The following SSH2 variants were observed in gnomAD, a reference collection of about 807,000 sequenced individuals.
SSH2 encodes the protein protein phosphatase Slingshot homolog 2.
SSH2 carries 37 observed loss-of-function variants against 135.2 expected under a neutral mutation model. The observed-to-expected ratio is 0.27, with a 90% CI of 0.21 to 0.36. SSH2 has a LOEUF of 0.36. SSH2 is among the 10% of genes least tolerant of loss of function. SSH2 has a pLI of 1.00. For missense variants in SSH2, 1,408 were observed against 1,765.3 expected (o/e 0.80, Z 3.63); for synonymous variants, 628 against 646.2 (o/e 0.97, Z 0.43).
chr17:29,851,731 G>T (rs2065564518), intron 1 of SSH2, among the ~76,000 whole-genome samples: 1 of 152,074 alleles, frequency 6.6e-6, no homozygotes, highest in Non-Finnish European at 1.5e-5. Flanking sequence ...GCCAAGTATG[G>T]TGGCACACCT....
At position 29,848,852 on chromosome 17, in the gene SSH2, G is replaced by T; in HGVS notation, c.141C>A (p.Ser47=). The T allele has an allele frequency of 6.6e-7, 1 of 1,522,956 alleles. No individual in the cohort carries two copies. Among genetic ancestry groups the T allele is most frequent in the Non-Finnish European group, 8.8e-7 (1 of 1,135,644 alleles). The allele number at this position is 1,522,956 out of a possible 1,614,324, so 94.3% of individuals were successfully genotyped here. ...ECEESEIFTD[S]NEADSGEEEC... is the part of the protein sequence containing the mutation. ...ATAAAAACATATACCTACGTACATT[G>T]GAATCAGTAAAGATTTCTGATTCTT... The change falls in exon 2 of 16, where the codon TCC becomes TCA. Residue 47 remains serine, a synonymous_variant. Transcript: ENST00000540801.
chr17:29,635,027 T>C (rs991092308), intron 15 of SSH2, among the ~76,000 whole-genome samples: 36 of 151,490 alleles, frequency 2.4e-4, no homozygotes, highest in African/African-American at 8.7e-4. Flanking sequence ...CTCAGCCTCC[T>C]GAGTAGCTGG....
At chr17:29,707,607 C>A (rs1402891720) in intron 3 of SSH2, among the ~76,000 whole-genome samples, 1 of 151,476 alleles carries the variant, frequency 6.6e-6, no homozygotes, top group Admixed American at 6.6e-5. Flanking sequence ...CTCACTGCAA[C>A]CTCTGCCTCC....
At chr17:29,809,020 G>A (rs866994798) in intron 2 of SSH2, among the ~76,000 whole-genome samples, 3 of 152,334 alleles carry the variant, frequency 2.0e-5, no homozygotes, top group Middle Eastern at 6.8e-3. Context: ...TTGGGAGGCT[G>A]AGGCGGGCAG....
chr17:29,784,212 C>T (rs1385383807), intron 3 of SSH2, among the ~76,000 whole-genome samples: 2 of 151,002 alleles, frequency 1.3e-5, no homozygotes, highest in African/African-American at 2.4e-5. Context: ...CATGGTTAAA[C>T]CCCATCTCTA....
intron 3 of SSH2, among the ~76,000 whole-genome samples, chr17:29,768,913 G>A (rs1567962431): frequency 6.6e-6 from 1 of 152,068 alleles, no homozygotes; most frequent in Non-Finnish European, 1.5e-5. Flanking sequence ...TGTGTCAGGT[G>A]CTCTATTAAG....
intron 3 of SSH2, 169 bp downstream of exon 3, chr17:29,793,725 A>C: frequency 1.8e-6 from 1 of 549,006 alleles, no homozygotes; most frequent in Admixed American, 3.5e-5. Flanking sequence ...TTACAGGCAC[A>C]AAATACCATG....
chr17:29,929,807 T>A, intron 1 of SSH2, 131 bp downstream of exon 1: 1 of 798,414 alleles, frequency 1.3e-6, no homozygotes, highest in Non-Finnish European at 2.0e-6. Context: ...TGTGGGGGGG[T>A]TCGCGGCAGC....
Position 29,637,241 on chromosome 17 carries a change from G to A in SSH2, c.1428-439C>T, listed in dbSNP as rs145997032. Among the ~76,000 whole-genome samples, 81 of 152,304 alleles carry A rather than the reference G, an allele frequency of 5.3e-4. No homozygotes were observed. The East Asian group carries it at 0.015, about 28-fold the overall frequency. On this transcript the variant is annotated intron_variant, in intron 14 of 15. Coordinates refer to ENST00000540801, the MANE Select transcript of SSH2 (RefSeq NM_001282129.2). Reference sequence around the variant, plus strand: ...AGCCTCCCGAGTAGCTGGGATTACAGGAACATGCCACCATGCCTGGCTAAT... The same window carrying A: ...AGCCTCCCGAGTAGCTGGGATTACAAGAACATGCCACCATGCCTGGCTAAT...
At chr17:29,922,678 T>C (rs1388642305) in intron 1 of SSH2, among the ~76,000 whole-genome samples, 1 of 152,254 alleles carries the variant, frequency 6.6e-6, no homozygotes, top group Admixed American at 6.5e-5. Flanking sequence ...GCTGGACACA[T>C]TGGTGTGTGC....
chr17:29,770,692 C>A (rs547443570), intron 3 of SSH2, among the ~76,000 whole-genome samples: 3 of 151,150 alleles, frequency 2.0e-5, no homozygotes, highest in East Asian at 3.9e-4. Context: ...TGACTGGTCT[C>A]GAACTCCTGA....
At chr17:29,812,627 A>C (rs1444548969) in intron 2 of SSH2, among the ~76,000 whole-genome samples, 1 of 152,194 alleles carries the variant, frequency 6.6e-6, no homozygotes, top group African/African-American at 2.4e-5. Flanking sequence ...GCGATGGCTC[A>C]TGCCTGTAAT....
chr17:29,822,192 T>C (rs2042665251), intron 2 of SSH2, among the ~76,000 whole-genome samples: 1 of 152,212 alleles, frequency 6.6e-6, no homozygotes, highest in Non-Finnish European at 1.5e-5. Context: ...CAGTGATAAG[T>C]GACTTACCAG....
At chr17:29,762,867 G>T (rs1002779029) in intron 3 of SSH2, among the ~76,000 whole-genome samples, 5 of 152,052 alleles carry the variant, frequency 3.3e-5, no homozygotes, top group African/African-American at 1.2e-4. Context: ...TTGAATACTA[G>T]ACTAAAATAT....
At chr17:29,741,807 G>T (rs2040565114) in intron 3 of SSH2, among the ~76,000 whole-genome samples, 1 of 151,798 alleles carries the variant, frequency 6.6e-6, no homozygotes, top group African/African-American at 2.4e-5. Context: ...GTAGAGACGG[G>T]GTTTCACCAT....
intron 2 of SSH2, among the ~76,000 whole-genome samples, chr17:29,826,280 A>T (rs2042742536): frequency 6.6e-6 from 1 of 152,196 alleles, no homozygotes; most frequent in African/African-American, 2.4e-5. Context: ...ACAGCTCTTA[A>T]GACTTAAAAG....
At chr17:29,777,309 T>C (rs950960995) in intron 3 of SSH2, among the ~76,000 whole-genome samples, 1 of 152,216 alleles carries the variant, frequency 6.6e-6, no homozygotes, top group Non-Finnish European at 1.5e-5. Context: ...TAGTTCTTAT[T>C]GGAAAGGCCT....
At chr17:29,883,604 A>G (rs147322141) in intron 1 of SSH2, among the ~76,000 whole-genome samples, 8 of 152,322 alleles carry the variant, frequency 5.3e-5, no homozygotes, top group African/African-American at 1.9e-4. Flanking sequence ...AAGAATGGTA[A>G]TGTCATCCTG....
chr17:29,902,957 G>A (rs1169081343), intron 1 of SSH2, among the ~76,000 whole-genome samples: 3 of 151,982 alleles, frequency 2.0e-5, no homozygotes, highest in African/African-American at 4.8e-5. Flanking sequence ...AAGCCGAGGC[G>A]GGAAGATCAC....
Sources: gnomAD v4.1 joint callset for allele counts (sites outside exome capture counted in the v4.1 genomes callset) on GRCh38, gnomAD v4.1.1 for gene constraint, MANE v1.5 for transcripts, NCBI Gene and HGNC (gene_info 2026-07-23, HGNC 2026-07-21) for gene names.